PRLR: variants seen among roughly 807,000 people sequenced by gnomAD.
PRLR encodes the protein prolactin receptor, also known as hPRL receptor.
A neutral mutation model predicts 40.2 loss-of-function variants in PRLR; 13 were observed. That is an observed-to-expected ratio of 0.32 (90% CI 0.21 to 0.51). The LOEUF (loss-of-function observed/expected upper bound fraction) is 0.51, where lower values mean the gene tolerates loss of function less well. PRLR is among the 20% of genes least tolerant of loss of function. The probability of loss-of-function intolerance (pLI) is 0.97; values close to 1 mark genes in which losing one functional copy is unlikely to be tolerated. For synonymous variants in PRLR, 269 were observed against 278.7 expected (o/e 0.97, Z 0.35); for missense variants, 656 against 747.3 (o/e 0.88, Z 1.42).
chr5:35,153,455 C>T (rs1283785476), intron 1 of PRLR, among the ~76,000 whole-genome samples: 1 of 152,168 alleles, frequency 6.6e-6, no homozygotes, highest in Non-Finnish European at 1.5e-5. Context: ...CCCTCATCCT[C>T]AAGGCCTTAT....
intron 1 of PRLR, among the ~76,000 whole-genome samples, chr5:35,228,843 T>G (rs1776619281): frequency 6.6e-6 from 1 of 151,454 alleles, no homozygotes; most frequent in Admixed American, 6.6e-5. Flanking sequence ...CAGCAAGGAG[T>G]TGGCTGGGTG....
rs140947849 is a variant in PRLR at position 35,066,064 on chromosome 5, G to A, written c.894C>T (p.Cys298=). The A allele has an allele frequency of 4.1e-5, 66 of 1,614,048 alleles. No individual in the cohort carries two copies. In the African/African-American group the frequency reaches 6.9e-4, roughly 17 times the overall value. ...AGTCAGAAGTGGGAGGAAAGTCTTG[G>A]CATCCCAAGGCACTCAGTAGTTCTT... ...KSEELLSALG[C]QDFPPTSDYE... is the part of the protein sequence containing the mutation. The change falls in exon 10 of 10, where the codon TGC becomes TGT. Residue 298 remains cysteine, a synonymous_variant. Transcript: ENST00000618457.
chr5:35,123,055 T>C (rs1773343363), intron 1 of PRLR, among the ~76,000 whole-genome samples: 1 of 152,074 alleles, frequency 6.6e-6, no homozygotes, highest in South Asian at 2.1e-4. Flanking sequence ...AAGAATCCAA[T>C]ATTTTGTTTG....
intron 1 of PRLR, among the ~76,000 whole-genome samples, chr5:35,202,974 G>A (rs1310864156): frequency 2.0e-5 from 3 of 152,154 alleles, no homozygotes; most frequent in Non-Finnish European, 2.9e-5. Flanking sequence ...AAATAGGGAC[G>A]TGTTGCAAAG....
At chr5:35,070,091 G>A in intron 7 of PRLR, 33 bp downstream of exon 7, 1 of 1,585,602 alleles carries the variant, frequency 6.3e-7, no homozygotes, top group Non-Finnish European at 8.5e-7. Flanking sequence ...AACATATTTA[G>A]GGACATAAGC....
chr5:35,067,935 A>C (rs1348937340), intron 9 of PRLR, among the ~76,000 whole-genome samples: 1 of 152,200 alleles, frequency 6.6e-6, no homozygotes, highest in Non-Finnish European at 1.5e-5. Context: ...ATTTGTATAA[A>C]ATGTTTATCT....
At chr5:35,175,149 T>C (rs529460493) in intron 1 of PRLR, among the ~76,000 whole-genome samples, 2 of 152,278 alleles carry the variant, frequency 1.3e-5, no homozygotes, top group Non-Finnish European at 2.9e-5. Flanking sequence ...AAATCTCATC[T>C]TGTAGCCCCC....
intron 1 of PRLR, among the ~76,000 whole-genome samples, chr5:35,128,421 A>G (rs1264326511): frequency 3.3e-5 from 5 of 151,708 alleles, no homozygotes; most frequent in African/African-American, 1.2e-4. Flanking sequence ...TAGGTTACTT[A>G]TAATACTGAA....
intron 5 of PRLR, among the ~76,000 whole-genome samples, chr5:35,083,507 A>G (rs1368795417): frequency 6.8e-6 from 1 of 147,420 alleles, no homozygotes; most frequent in Non-Finnish European, 1.5e-5. Flanking sequence ...TAACATTTAA[A>G]TTCTTTCTTT....
chr5:35,156,152 C>T (rs57685270), intron 1 of PRLR, among the ~76,000 whole-genome samples: 1 of 143,232 alleles, frequency 7.0e-6, no homozygotes, highest in South Asian at 2.2e-4. Flanking sequence ...AAAAAAAAAA[C>T]AAAACCAACT....
rs569102955 is a variant in PRLR, at chr5:35,063,280, C to G, written c.*1809G>C. ...CATTGGCAATGTGTTCACTTTCAAA[C>G]AGGAGGGGGACCTCTGAGTCCAGTT... On this transcript the variant is annotated 3_prime_UTR_variant, in exon 10 of 10. Coordinates refer to ENST00000618457, the MANE Select transcript of PRLR (RefSeq NM_000949.7). 6.6e-6 allele frequency: 1 copy of G among 152,286 alleles called. No individual in the cohort carries two copies. The highest frequency in any genetic ancestry group is 1.5e-5 in the Non-Finnish European group (1 of 68,028). The allele number at this position is 152,286 out of a possible 1,614,324, so 9.4% of individuals were successfully genotyped here. A position where few individuals can be genotyped will look rare whatever the true frequency, so the allele number is the denominator to read the frequency against.
chr5:35,187,959 C>T (rs1775491485), intron 1 of PRLR, among the ~76,000 whole-genome samples: 1 of 152,198 alleles, frequency 6.6e-6, no homozygotes, highest in African/African-American at 2.4e-5. Flanking sequence ...TCTGTGGACA[C>T]AAATTCTTCT....
chr5:35,068,727 A>G, intron 8 of PRLR, 52 bp downstream of exon 8: 2 of 1,325,970 alleles, frequency 1.5e-6, no homozygotes, highest in Non-Finnish European at 2.1e-6. Context: ...TTTTTTTGTC[A>G]TTATCCTTGA....
chr5:35,128,920 T>A (rs1363207691), intron 1 of PRLR, among the ~76,000 whole-genome samples: 1 of 152,186 alleles, frequency 6.6e-6, no homozygotes, highest in East Asian at 1.9e-4. Context: ...TGTCTCCATC[T>A]CTGCCTCCTT....
At chr5:35,191,883 T>C (rs73078863) in intron 1 of PRLR, among the ~76,000 whole-genome samples, 180 of 152,342 alleles carry the variant, frequency 1.2e-3, no homozygotes, top group African/African-American at 4.1e-3. Flanking sequence ...CCAGGCTTCC[T>C]CAGTGCCTTT....
intron 2 of PRLR, among the ~76,000 whole-genome samples, chr5:35,117,042 G>T (rs1337680315): frequency 6.6e-6 from 1 of 152,254 alleles, no homozygotes; most frequent in East Asian, 1.9e-4. Flanking sequence ...CTGGGGTGGG[G>T]TGGTGTCCTT....
Position 35,219,419 on chromosome 5 carries a change from T to C in PRLR, c.-106+10849A>G, listed in dbSNP as rs1220307776. On this transcript the variant is annotated intron_variant, in intron 1 of 9. Transcript: ENST00000618457. ...TAATAAGAGTACACACTTTTTATTATAAAGGGTGGCTGGAAGGACTAAATG... is the reference window on the plus strand; with the variant it reads ...TAATAAGAGTACACACTTTTTATTACAAAGGGTGGCTGGAAGGACTAAATG... Among the ~76,000 whole-genome samples the C allele has an allele frequency of 2.0e-5, 3 of 152,178 alleles. No individual in the cohort carries two copies. In the East Asian group the frequency reaches 5.8e-4, roughly 29 times the overall value.
At chr5:35,192,109 C>T (rs143387223) in intron 1 of PRLR, among the ~76,000 whole-genome samples, 10 of 152,302 alleles carry the variant, frequency 6.6e-5, no homozygotes, top group Non-Finnish European at 1.0e-4. Flanking sequence ...ATGTGCCTGT[C>T]GTGTCCACAT....
At position 35,089,532 on chromosome 5, in the gene PRLR, G is replaced by T; in HGVS notation, c.70+19C>A. On this transcript the variant is annotated intron_variant, in intron 3 of 9. Transcript: ENST00000618457. ...AACACCCCAGGCAATGAAAGAGAGC[G>T]TGATAGCCTCTTACTTACCATTCAG... is the stretch of plus-strand genomic sequence containing the variant. 6.4e-7 allele frequency: 1 copy of T among 1,555,024 alleles called. No homozygotes were observed. Among genetic ancestry groups the T allele is most frequent in the South Asian group, 1.1e-5 (1 of 89,850 alleles).
Sources: allele counts gnomAD v4.1 joint callset (sites outside exome capture counted in the v4.1 genomes callset), GRCh38; gene constraint gnomAD v4.1.1; transcripts MANE v1.5; gene names NCBI Gene and HGNC (gene_info 2026-07-23, HGNC 2026-07-21).